The following ZC3H12C variants were observed in gnomAD, a reference collection of about 807,000 sequenced individuals.
ZC3H12C encodes probable ribonuclease ZC3H12C.
Under a neutral mutation model 76.3 loss-of-function variants are expected in ZC3H12C, and 20 were observed. That is an observed-to-expected ratio of 0.26 (90% CI 0.18 to 0.38). The LOEUF is 0.38. ZC3H12C is among the 10% of genes least tolerant of loss of function. The probability of loss-of-function intolerance (pLI) is 1.00; values close to 1 mark genes in which losing one functional copy is unlikely to be tolerated. For synonymous variants in ZC3H12C, 352 were observed against 399.6 expected (o/e 0.88, Z 1.42); for missense variants, 874 against 1,086.5 (o/e 0.80, Z 2.75).
Position 110,165,686 on chromosome 11 carries a change from CCAG to C in ZC3H12C, c.2606_2608del (p.Gln869del). ...AAAGGAATCCTCACATGACAGACGC[CCAG>C]CAGCTCGCCGCAGCCATTTTAGTGG... On this transcript the variant is annotated inframe_deletion, in exon 6 of 6. Coordinates refer to ENST00000278590, the MANE Select transcript of ZC3H12C (RefSeq NM_033390.2). 6.3e-7 allele frequency: 1 copy of C among 1,596,718 alleles called. No individual in the cohort carries two copies. Among genetic ancestry groups the C allele is most frequent in the Non-Finnish European group, 8.5e-7 (1 of 1,171,112 alleles).
chr11:110,137,443 A>C lies in ZC3H12C; in HGVS notation c.773+29A>C, dbSNP rs1257811765. On this transcript the variant is annotated intron_variant, in intron 2 of 5. Coordinates refer to ENST00000278590, the MANE Select transcript of ZC3H12C (RefSeq NM_033390.2). ...AGTGGAAAAATCGTTACTGAAAATT[A>C]CTACCAAATAATCTTTAAAAGCCTT... 6.5e-6 allele frequency: 10 copies of C among 1,549,866 alleles called. No individual in the cohort carries two copies. The Admixed American group carries it at 2.1e-4, about 32-fold the overall frequency.
chr11:110,171,022 A>C lies in ZC3H12C; in HGVS notation c.*5285A>C, dbSNP rs999894142. The C allele has an allele frequency of 7.2e-5, 11 of 152,206 alleles. No individual in the cohort carries two copies. Among genetic ancestry groups the C allele is most frequent in the African/African-American group, 1.7e-4 (7 of 41,460 alleles). The allele number at this position is 152,206 out of a possible 1,614,324, so 9.4% of individuals were successfully genotyped here. A position where few individuals can be genotyped will look rare whatever the true frequency, so the allele number is the denominator to read the frequency against. On this transcript the variant is annotated 3_prime_UTR_variant, in exon 6 of 6. Transcript: ENST00000278590. ...TGGCAGTAGAAAATGTGCATGTTTT[A>C]ACTTGGTTTTATAAAATCTGTAATG... is the stretch of plus-strand genomic sequence containing the variant.
In ZC3H12C at chr11:110,165,508, C is replaced by A. The variant is rs751878934; in HGVS notation, c.2423C>A (p.Thr808Asn). The A allele has an allele frequency of 4.3e-6, 7 of 1,614,008 alleles. No homozygotes were observed. The highest frequency in any genetic ancestry group is 5.9e-6 in the Non-Finnish European group (7 of 1,179,886). ...NSTQPCYEQF[T>N]FQSLPEQQEP... ...ACACAGCCGTGTTATGAGCAGTTCACCTTCCAGAGCCTCCCTGAGCAACAG... is the reference window on the plus strand; with the variant it reads ...ACACAGCCGTGTTATGAGCAGTTCAACTTCCAGAGCCTCCCTGAGCAACAG... Residue 808 changes from threonine to asparagine, a missense_variant, in exon 6 of 6, where the codon ACC becomes AAC. Physicochemically the swap from Thr to Asn is moderately conservative, Grantham distance 65 (BLOSUM62 0). Around this residue, in one of 3 missense-constraint regions of ZC3H12C, gnomAD observed 395 missense variants for 434.4 expected, o/e 0.91. Coordinates refer to ENST00000278590, the MANE Select transcript of ZC3H12C (RefSeq NM_033390.2).
At chr11:110,151,194 T>C (rs1002156374) in intron 2 of ZC3H12C, among the ~76,000 whole-genome samples, 8 of 152,190 alleles carry the variant, frequency 5.3e-5, no homozygotes, top group African/African-American at 1.9e-4. Context: ...TTGTAAATGG[T>C]TTGCTGTTTG....
chr11:110,154,404 T>C (rs562472459), intron 3 of ZC3H12C, among the ~76,000 whole-genome samples: 84 of 152,166 alleles, frequency 5.5e-4, no homozygotes, highest in Non-Finnish European at 1.0e-3. Context: ...TATGTATAAT[T>C]ATTACATCAT....
In ZC3H12C at chr11:110,164,798, G is replaced by A; in HGVS notation, c.1713G>A (p.Thr571=). ...TGATGGCAACCAAAAATCATGGAAC[G>A]CCAATGCCTTATGAACAGTATCCAA... is the stretch of plus-strand genomic sequence containing the variant. ...SMMMATKNHG[T]PMPYEQYPKC... is the part of the protein sequence containing the mutation. Residue 571 remains threonine, a synonymous_variant, in exon 6 of 6, where the codon ACG becomes ACA. Transcript: ENST00000278590. This position sits in a 1 kb window ranked among gnomAD's most constrained non-coding sequence, Gnocchi z 5.7. 6.2e-7 allele frequency: 1 copy of A among 1,613,970 alleles called. No individual in the cohort carries two copies. Among genetic ancestry groups the A allele is most frequent in the South Asian group, 1.1e-5 (1 of 91,070 alleles).
At chr11:110,150,820 T>A (rs898474477) in intron 2 of ZC3H12C, among the ~76,000 whole-genome samples, 4 of 152,138 alleles carry the variant, frequency 2.6e-5, no homozygotes, top group African/African-American at 7.2e-5. Flanking sequence ...GGAGATGAGT[T>A]TAGAATGACT....
Position 110,164,311 on chromosome 11 carries a change from C to G in ZC3H12C, c.1256-30C>G, listed in dbSNP as rs780717731. On this transcript the variant is annotated intron_variant, in intron 5 of 5. Coordinates refer to ENST00000278590, the MANE Select transcript of ZC3H12C (RefSeq NM_033390.2). This position sits in a 1 kb window ranked among gnomAD's most constrained non-coding sequence, Gnocchi z 5.7. ...AGTTTTCAGGATCTGATGGTATGCTCCTTTGCCTAATTAATTTTACTCTTC... is the reference window on the plus strand; with the variant it reads ...AGTTTTCAGGATCTGATGGTATGCTGCTTTGCCTAATTAATTTTACTCTTC... 1.3e-5 allele frequency: 20 copies of G among 1,539,848 alleles called. 1 individual carries two copies. Among genetic ancestry groups the G allele is most frequent in the Non-Finnish European group, 1.7e-5 (19 of 1,144,708 alleles).
chr11:110,093,744 C>G (rs546268272), intron 1 of ZC3H12C, among the ~76,000 whole-genome samples: 4 of 152,216 alleles, frequency 2.6e-5, no homozygotes, highest in South Asian at 4.1e-4. Flanking sequence ...GCACCGGTCC[C>G]CGCCCGCCCG....
At chr11:110,163,886 G>A (rs1252120891) in intron 5 of ZC3H12C, among the ~76,000 whole-genome samples, 1 of 152,074 alleles carries the variant, frequency 6.6e-6, no homozygotes, top group Admixed American at 6.6e-5. Context: ...ATCACATGAG[G>A]CCAGGAGTTG....
chr11:110,139,301 C>T (rs611339), intron 2 of ZC3H12C, among the ~76,000 whole-genome samples: 113,311 of 152,120 alleles, frequency 0.74, 42,322 homozygotes, highest in East Asian at 0.9. Flanking sequence ...TTCTTCATTA[C>T]ATAAAAAAGA....
chr11:110,102,144 T>A (rs757265971), intron 1 of ZC3H12C, among the ~76,000 whole-genome samples: 4 of 151,344 alleles, frequency 2.6e-5, no homozygotes, highest in Non-Finnish European at 5.9e-5. Flanking sequence ...CTTGCAAGTC[T>A]TATTATTTAA....
intron 1 of ZC3H12C, among the ~76,000 whole-genome samples, chr11:110,104,062 T>G (rs892229806): frequency 6.7e-6 from 1 of 148,584 alleles, no homozygotes; most frequent in Admixed American, 6.7e-5. Flanking sequence ...AGGCTCCACT[T>G]CTAATCTGTT....
Position 110,165,258 on chromosome 11 carries a change from T to C in ZC3H12C, c.2173T>C (p.Tyr725His), listed in dbSNP as rs755903265. 2 of 1,614,038 alleles carry C rather than the reference T, an allele frequency of 1.2e-6. No homozygotes were observed. The highest frequency in any genetic ancestry group is 1.7e-5 in the Admixed American group (1 of 60,026). ...CGCCCGGTCCAGCTGTCCTGGCGAC[T>C]ACCCCTCTCCTCCAAGTTCAGCACA... The part of the protein sequence containing the change: ...VGARSSCPGD[Y>H]PSPPSSAHSK... Residue 725 changes from tyrosine to histidine, a missense_variant, in exon 6 of 6, where the codon TAC becomes CAC. Physicochemically the swap from Tyr to His is moderately conservative, Grantham distance 83. Coordinates refer to ENST00000278590, the MANE Select transcript of ZC3H12C (RefSeq NM_033390.2).
At chr11:110,094,952 T>C (rs1338145119) in intron 1 of ZC3H12C, among the ~76,000 whole-genome samples, 2 of 152,226 alleles carry the variant, frequency 1.3e-5, no homozygotes, top group Non-Finnish European at 2.9e-5. Flanking sequence ...ACCATAAAAG[T>C]ACTTAAACAT....
Position 110,094,434 on chromosome 11 carries a change from C to T in ZC3H12C, c.21+1002C>T, listed in dbSNP as rs957102401. Among the ~76,000 whole-genome samples, 33 of 152,162 alleles carry T rather than the reference C, an allele frequency of 2.2e-4. 1 individual carries two copies. The highest frequency in any genetic ancestry group is 1.6e-4 in the Non-Finnish European group (11 of 68,024). ...ACGTTGTTCAGTTTTTCACTTGTTACGTGCTTGAGTTTTTCCACTTTTAAA... is the reference window on the plus strand; with the variant it reads ...ACGTTGTTCAGTTTTTCACTTGTTATGTGCTTGAGTTTTTCCACTTTTAAA... On this transcript the variant is annotated intron_variant, in intron 1 of 5. Transcript: ENST00000278590.
chr11:110,093,926 C>T (rs911438253), intron 1 of ZC3H12C, among the ~76,000 whole-genome samples: 1 of 152,128 alleles, frequency 6.6e-6, no homozygotes, highest in African/African-American at 2.4e-5. Flanking sequence ...ATCCAGATCG[C>T]CAGCAACCCC....
chr11:110,147,836 G>A (rs140049514), intron 2 of ZC3H12C, among the ~76,000 whole-genome samples: 27 of 152,114 alleles, frequency 1.8e-4, no homozygotes, highest in Admixed American at 6.5e-4. Context: ...TTCTGCCTCC[G>A]TAGCTGTGTT....
chr11:110,156,474 T>C (rs1243911696), intron 3 of ZC3H12C, among the ~76,000 whole-genome samples: 2 of 152,224 alleles, frequency 1.3e-5, no homozygotes, highest in East Asian at 3.8e-4. Flanking sequence ...TCATCCTAAT[T>C]AATGTCCTAA....
Sources: gnomAD v4.1 joint callset for allele counts (sites outside exome capture counted in the v4.1 genomes callset) on GRCh38, gnomAD v4.1.1 for gene constraint, gnomAD v4.1.1 regional missense constraint, Gnocchi (gnomAD v3.1) non-coding constraint, MANE v1.5 for transcripts, NCBI Gene and HGNC (gene_info 2026-07-23, HGNC 2026-07-21) for gene names.